C5: variants seen among roughly 807,000 people sequenced by gnomAD.
The protein encoded by C5 is complement C5.
Under a neutral mutation model 218.8 loss-of-function variants are expected in C5, and 140 were observed. The ratio of observed to expected loss-of-function variants is 0.64; its 90% CI spans 0.56 to 0.74. C5 has a LOEUF of 0.74. Among genes scored for constraint, C5 ranks in the 30% least tolerant of loss-of-function variants. The probability of loss-of-function intolerance (pLI) is 0.00; values close to 1 mark genes in which losing one functional copy is unlikely to be tolerated. For synonymous variants in C5, 614 were observed against 682.3 expected (o/e 0.90, Z 1.56); for missense variants, 1,700 against 1,969.6 (o/e 0.86, Z 2.59).
At chr9:120,975,300 C>T (rs553634393) in intron 29 of C5, among the ~76,000 whole-genome samples, 25 of 152,328 alleles carry the variant, frequency 1.6e-4, no homozygotes, top group African/African-American at 5.5e-4. Context: ...CTCCCCTTTC[C>T]CGTTATTCTC....
At chr9:121,001,497 T>C (rs1484635162) in intron 20 of C5, among the ~76,000 whole-genome samples, 3 of 152,202 alleles carry the variant, frequency 2.0e-5, no homozygotes, top group Non-Finnish European at 4.4e-5. Context: ...ATTTTATGTG[T>C]ATTAACAAAC....
intron 25 of C5, among the ~76,000 whole-genome samples, chr9:120,988,443 G>C (rs2047050750): frequency 6.6e-6 from 1 of 152,126 alleles, no homozygotes; most frequent in African/African-American, 2.4e-5. Context: ...GGAAATATGA[G>C]AGCCAGTCAT....
In C5 at chr9:120,969,126, A is replaced by G; in HGVS notation, c.4163-8T>C. The stretch of plus-strand genomic sequence containing the variant: ...AGCCTCTGTAGTGGGATGCTGGCAC[A>G]TAAGACAAGAAAACAAACAGACAAA... On this transcript the variant is annotated splice_region_variant and splice_polypyrimidine_tract_variant and intron_variant, in intron 32 of 40. Transcript: ENST00000223642. 1 of 1,612,882 alleles carries G rather than the reference A, an allele frequency of 6.2e-7. No homozygotes were observed. The highest frequency in any genetic ancestry group is 8.5e-7 in the Non-Finnish European group (1 of 1,178,854).
intron 17 of C5, among the ~76,000 whole-genome samples, chr9:121,013,071 G>C (rs2047275330): frequency 6.6e-6 from 1 of 152,156 alleles, no homozygotes; most frequent in Admixed American, 6.5e-5. Context: ...TGTAATCTCA[G>C]CACTTTGGGA....
At position 120,972,478 on chromosome 9, in the gene C5, C is replaced by T. The variant is rs530299754; in HGVS notation, c.4018-486G>A. On this transcript the variant is annotated intron_variant, in intron 30 of 40. Coordinates refer to ENST00000223642, the MANE Select transcript of C5 (RefSeq NM_001735.3). ...CTCCTCCTTTGCACCCCTTTTCCAT[C>T]TCTTGATGATTTATCTTTTCCACTT... Among the ~76,000 whole-genome samples the T allele has an allele frequency of 6.2e-4, 94 of 152,304 alleles. 1 individual carries two copies. In the South Asian group the frequency reaches 0.013, roughly 21 times the overall value.
intron 12 of C5, among the ~76,000 whole-genome samples, chr9:121,018,081 C>T (rs765005768): frequency 8.1e-5 from 12 of 147,412 alleles, no homozygotes; most frequent in Non-Finnish European, 1.2e-4. Flanking sequence ...AGTGAAACAC[C>T]ATCTCTACTA....
chr9:121,017,748 T>A lies in C5; in HGVS notation c.1611A>T (p.Ser537=), dbSNP rs1370210885. The A allele has an allele frequency of 4.3e-6, 7 of 1,612,574 alleles. No homozygotes were observed. In the African/African-American group the frequency reaches 8.0e-5, roughly 18 times the overall value. Residue 537 remains serine (S), a synonymous_variant, in exon 13 of 41, where the codon TCA becomes TCT. Transcript: ENST00000223642. ...NIPVTQNMVP[S]SRLLVYYIVT... ...CGATGTAATAGACCAGAAGTCGGGA[T>A]GAAGGAACCATGTTCTGTGTTACTG...
the C5 span, among the ~76,000 whole-genome samples, chr9:121,063,389 G>A: frequency 2.7e-4 from 41 of 151,568 alleles, no homozygotes; most frequent in African/African-American, 2.7e-4. Context: ...TATAATTTTC[G>A]TCTTATTCTT....
Position 120,985,545 on chromosome 9 carries a change from T to C in C5, c.3231-2731A>G, listed in dbSNP as rs1293442431. Among the ~76,000 whole-genome samples, 4 of 151,692 alleles carry C rather than the reference T, an allele frequency of 2.6e-5. No individual in the cohort carries two copies. The East Asian group carries it at 7.7e-4, about 29-fold the overall frequency. The stretch of plus-strand genomic sequence containing the variant: ...TTGTAATATTAAAATTTGGAAATGG[T>C]TGTCCATCAAGATAGGAATAGATAA... On this transcript the variant is annotated intron_variant, in intron 25 of 40. Transcript: ENST00000223642.
the C5 span, among the ~76,000 whole-genome samples, chr9:121,061,117 C>T: frequency 6.6e-6 from 1 of 152,008 alleles, no homozygotes; most frequent in Non-Finnish European, 1.5e-5. Flanking sequence ...GAGCCCAGGA[C>T]ATGGAGGTTG....
rs1269763256 is a variant in C5 at position 120,997,757 on chromosome 9, A to T, written c.2580T>A (p.Ser860=). ...TSGMQFCVKM[S]AVEGICTSES... is the part of the protein sequence containing the mutation. ...CCGAAGTGCAGATTCCCTCCACAGCAGACATTTTAACACAGAACTGAAATA... is the reference window on the plus strand; with the variant it reads ...CCGAAGTGCAGATTCCCTCCACAGCTGACATTTTAACACAGAACTGAAATA... Residue 860 remains serine, a synonymous_variant, in exon 21 of 41, where the codon TCT becomes TCA. Coordinates refer to ENST00000223642, the MANE Select transcript of C5 (RefSeq NM_001735.3). 1 of 1,613,918 alleles carries T rather than the reference A, an allele frequency of 6.2e-7. No homozygotes were observed. Among genetic ancestry groups the T allele is most frequent in the Admixed American group, 1.7e-5 (1 of 60,030 alleles).
At chr9:121,052,369 T>C (rs1466914777), upstream of C5, among the ~76,000 whole-genome samples, 1 of 149,942 alleles carries the variant, frequency 6.7e-6, no homozygotes, top group Non-Finnish European at 1.5e-5. Flanking sequence ...AGGCAGGAGA[T>C]TCACTTGAAC....
rs1015753764 is a variant in C5 at position 120,952,531 on chromosome 9, C to T, written c.*208G>A. 1 of 485,766 alleles carries T rather than the reference C, an allele frequency of 2.1e-6. No homozygotes were observed. The highest frequency in any genetic ancestry group is 2.0e-5 in the African/African-American group (1 of 50,808). 30.1% of individuals were successfully genotyped at this position (485,766 alleles called of 1,614,324 possible). On this transcript the variant is annotated 3_prime_UTR_variant, in exon 41 of 41. Transcript: ENST00000223642. ...CCAATAACCTTGGAGGAGTATCTGT[C>T]TTCATGCCCTCCAAGGCCATGTTAT... is the stretch of plus-strand genomic sequence containing the variant.
At chr9:120,993,319 A>T (rs921402132) in intron 22 of C5, among the ~76,000 whole-genome samples, 1 of 152,234 alleles carries the variant, frequency 6.6e-6, no homozygotes, top group Admixed American at 6.5e-5. Context: ...GGATTTTTCA[A>T]GGGAAATATA....
At chr9:121,061,582 C>T in the C5 span, among the ~76,000 whole-genome samples, 2 of 152,188 alleles carry the variant, frequency 1.3e-5, no homozygotes, top group Admixed American at 6.5e-5. Context: ...TAGTCTTTCC[C>T]TCAATTTGTC....
chr9:120,999,177 C>T (rs1409376139), intron 20 of C5, among the ~76,000 whole-genome samples: 1 of 152,078 alleles, frequency 6.6e-6, no homozygotes, highest in East Asian at 1.9e-4. Flanking sequence ...AAAAGTGGTT[C>T]TGGTTTCAGT....
intron 37 of C5, 109 bp downstream of exon 37, chr9:120,961,373 T>C: frequency 2.7e-6 from 2 of 744,380 alleles, no homozygotes; most frequent in East Asian, 2.6e-5. Flanking sequence ...ATAGCATTTC[T>C]ACTTCTGAGA....
At chr9:120,971,001 G>A (rs540329279) in intron 31 of C5, among the ~76,000 whole-genome samples, 46 of 151,954 alleles carry the variant, frequency 3.0e-4, no homozygotes, top group African/African-American at 6.8e-4. Flanking sequence ...GTGAAACTCC[G>A]TCTCTACTAA....
intron 16 of C5, among the ~76,000 whole-genome samples, chr9:121,014,849 C>G (rs1338298950): frequency 6.6e-6 from 1 of 152,002 alleles, no homozygotes; most frequent in Non-Finnish European, 1.5e-5. Context: ...CTAGGTATAT[C>G]CCCAAAATAG....
Sources: allele counts gnomAD v4.1 joint callset (sites outside exome capture counted in the v4.1 genomes callset), GRCh38; gene constraint gnomAD v4.1.1; transcripts MANE v1.5; gene names NCBI Gene and HGNC (gene_info 2026-07-23, HGNC 2026-07-21).